Variants in GLIS3 observed in about 807,000 individuals in gnomAD.
GLIS3 encodes the protein zinc finger protein GLIS3.
Under a neutral mutation model 78.6 loss-of-function variants are expected in GLIS3, and 53 were observed. That is an observed-to-expected ratio of 0.67 (90% CI 0.54 to 0.85). GLIS3 has a LOEUF of 0.85. GLIS3 is among the 40% of genes least tolerant of loss of function. GLIS3 has a pLI of 0.00. For synonymous variants in GLIS3, 684 were observed against 509.9 expected (o/e 1.34, Z -4.60); for missense variants, 1,703 against 1,231.1 (o/e 1.38, Z -5.74).
intron 4 of GLIS3, among the ~76,000 whole-genome samples, chr9:4,107,994 G>A (rs1050957267): frequency 2.6e-5 from 4 of 152,088 alleles, no homozygotes; most frequent in Admixed American, 2.0e-4. Context: ...TCTACAGTAT[G>A]TTAATCGTTG....
chr9:3,892,695 C>T (rs553978864), intron 7 of GLIS3, among the ~76,000 whole-genome samples: 91 of 151,942 alleles, frequency 6.0e-4, no homozygotes, highest in Non-Finnish European at 7.2e-4. Flanking sequence ...TTACTCTTCA[C>T]AGGAAAGAGA....
intron 2 of GLIS3, among the ~76,000 whole-genome samples, chr9:4,145,868 A>T (rs187525275): frequency 1.4e-4 from 22 of 152,246 alleles, no homozygotes; most frequent in African/African-American, 5.3e-4. Flanking sequence ...GAATTTAAAC[A>T]ATATACTTCA....
At chr9:3,927,578 T>C (rs1417940126) in intron 6 of GLIS3, among the ~76,000 whole-genome samples, 6 of 152,186 alleles carry the variant, frequency 3.9e-5, no homozygotes, top group East Asian at 1.9e-4. Context: ...ACCCCAGAGA[T>C]GGTGGTAGAT....
intron 6 of GLIS3, among the ~76,000 whole-genome samples, chr9:3,902,481 TAAA>T (rs35006938): frequency 2.0e-5 from 3 of 152,218 alleles, no homozygotes; most frequent in Non-Finnish European, 2.9e-5. Flanking sequence ...ACTATTTATT[TAAA>T]AAACTGCATA....
the GLIS3 span, among the ~76,000 whole-genome samples, chr9:4,470,810 A>C: frequency 6.6e-6 from 1 of 151,994 alleles, no homozygotes; most frequent in East Asian, 1.9e-4. Context: ...GAGGAAGTCA[A>C]ATTGTCCCTG....
intron 5 of GLIS3, among the ~76,000 whole-genome samples, chr9:3,935,944 A>T (rs1418381106): frequency 6.6e-6 from 1 of 152,246 alleles, no homozygotes; most frequent in African/African-American, 2.4e-5. Context: ...TATGTGACAT[A>T]TAGCTAAAAT....
the GLIS3 span, among the ~76,000 whole-genome samples, chr9:4,376,035 G>C: frequency 1.3e-5 from 2 of 152,184 alleles, no homozygotes; most frequent in Non-Finnish European, 2.9e-5. Flanking sequence ...TCACATATGA[G>C]ACATATGCTG....
chr9:4,114,149 G>T (rs919276701), intron 4 of GLIS3, among the ~76,000 whole-genome samples: 1 of 152,182 alleles, frequency 6.6e-6, no homozygotes, highest in East Asian at 1.9e-4. Flanking sequence ...TACTCACTCT[G>T]CCCCAGATAG....
intron 2 of GLIS3, among the ~76,000 whole-genome samples, chr9:4,253,363 G>A (rs1824580740): frequency 6.6e-6 from 1 of 152,206 alleles, no homozygotes; most frequent in Non-Finnish European, 1.5e-5. Flanking sequence ...AAGGTGCAGT[G>A]GGCTCTGCCC....
chr9:4,289,081 T>C (rs1297606069), intron 1 of GLIS3, among the ~76,000 whole-genome samples: 2 of 152,170 alleles, frequency 1.3e-5, no homozygotes, highest in Non-Finnish European at 2.9e-5. Context: ...TAAAATGCTA[T>C]TATAACTTTT....
chr9:4,408,696 C>T, the GLIS3 span, among the ~76,000 whole-genome samples: 1 of 116,408 alleles, frequency 8.6e-6, no homozygotes, highest in African/African-American at 3.7e-5. Context: ...CACCGCACTC[C>T]AGCCTGGGCA....
chr9:3,930,041 G>A (rs1825514933), intron 6 of GLIS3, among the ~76,000 whole-genome samples: 1 of 152,220 alleles, frequency 6.6e-6, no homozygotes, highest in East Asian at 1.9e-4. Flanking sequence ...CTAGTTTCAG[G>A]TTTATTAGCA....
chr9:4,481,878 G>A, the GLIS3 span, among the ~76,000 whole-genome samples: 1,685 of 152,324 alleles, frequency 0.011, 31 homozygotes, highest in African/African-American at 0.039. Context: ...CGCAGGGTGT[G>A]ACACTACCCA....
the GLIS3 span, among the ~76,000 whole-genome samples, chr9:4,385,741 GAAAGAAAGAAAGAA>G: frequency 6.1e-4 from 27 of 43,964 alleles, 4 homozygotes; most frequent in South Asian, 4.7e-3. Flanking sequence ...GAAAGAAAAA[GAAAGAAAGAAAGAA>G]AGAAAGAAAG....
the GLIS3 span, among the ~76,000 whole-genome samples, chr9:4,370,183 C>CAAA: frequency 2.7e-3 from 236 of 88,228 alleles, 4 homozygotes; most frequent in African/African-American, 8.7e-3. Context: ...GACTCCATCT[C>CAAA]AAAAAAAAAA....
At chr9:4,096,576 A>G (rs1052480962) in intron 4 of GLIS3, among the ~76,000 whole-genome samples, 1 of 152,208 alleles carries the variant, frequency 6.6e-6, no homozygotes, top group African/African-American at 2.4e-5. Flanking sequence ...ATTACATTTA[A>G]TCCGAATTTA....
At chr9:3,979,867 G>T (rs1351829531) in intron 4 of GLIS3, among the ~76,000 whole-genome samples, 2 of 152,184 alleles carry the variant, frequency 1.3e-5, no homozygotes, top group African/African-American at 4.8e-5. Flanking sequence ...GAACACAACA[G>T]ATAAAGTCAC....
chr9:4,198,793 A>G (rs936054469), intron 2 of GLIS3, among the ~76,000 whole-genome samples: 1 of 152,200 alleles, frequency 6.6e-6, no homozygotes, highest in East Asian at 1.9e-4. Flanking sequence ...TACAGAAAAA[A>G]TCTTGAAGAC....
intron 5 of GLIS3, among the ~76,000 whole-genome samples, chr9:3,936,798 C>T (rs529885722): frequency 6.6e-6 from 1 of 152,174 alleles, no homozygotes; most frequent in African/African-American, 2.4e-5. Flanking sequence ...CCAAGTAACC[C>T]TTCTGTCCCA....
Sources: gnomAD v4.1 joint callset for allele counts (sites outside exome capture counted in the v4.1 genomes callset) on GRCh38, gnomAD v4.1.1 for gene constraint, MANE v1.5 for transcripts, NCBI Gene and HGNC (gene_info 2026-07-23, HGNC 2026-07-21) for gene names.